The following NPHP4 variants were observed in gnomAD, a reference collection of about 807,000 sequenced individuals.
The protein encoded by NPHP4 is nephrocystin 4.
In NPHP4, 151 loss-of-function variants were observed where a neutral mutation model predicts 155.8. The observed-to-expected ratio is 0.97, with a 90% CI of 0.85 to 1.11. NPHP4 has a LOEUF of 1.11. Ranked by LOEUF, NPHP4 falls within the 50% of genes least tolerant of loss-of-function variation. The pLI, the probability that NPHP4 is intolerant of heterozygous loss-of-function variation, is 0.00. For missense variants in NPHP4, 1,956 were observed against 1,925.7 expected, an observed-to-expected ratio of 1.02 and a Z score of -0.29; for synonymous variants, 845 against 816.8, an observed-to-expected ratio of 1.03 and a Z score of -0.59.
chr1:5,899,831 G>T (rs889979271), intron 16 of NPHP4, among the ~76,000 whole-genome samples: 3 of 152,164 alleles, frequency 2.0e-5, no homozygotes, highest in South Asian at 2.1e-4. Flanking sequence ...CCATAGATAG[G>T]GAAAAAACAT....
At chr1:5,900,618 G>T (rs2101060839) in intron 16 of NPHP4, among the ~76,000 whole-genome samples, 1 of 152,304 alleles carries the variant, frequency 6.6e-6, no homozygotes, top group Middle Eastern at 3.4e-3. Flanking sequence ...ATCCATCATG[G>T]TGGATCCATG....
intron 5 of NPHP4, among the ~76,000 whole-genome samples, chr1:5,964,917 T>TTATATATATATATATATATATATATA (rs4068402): frequency 1.2e-5 from 1 of 82,636 alleles, no homozygotes; most frequent in Non-Finnish European, 2.1e-5. Flanking sequence ...TACATATATA[T>TTATATATATATATATATATATATATA]TATATATATA....
At chr1:5,893,746 T>C (rs1644257136) in intron 16 of NPHP4, among the ~76,000 whole-genome samples, 1 of 152,198 alleles carries the variant, frequency 6.6e-6, no homozygotes, top group Non-Finnish European at 1.5e-5. Flanking sequence ...GAGACTCCCT[T>C]TCCCGGTCTG....
rs761546950 is a variant in NPHP4 at position 5,873,296 on chromosome 1, C to A, written c.3271G>T (p.Val1091Leu). ...ACTGCGCTGGACTTCCAAGGTGACA[C>A]GGCGTCCATGCCCTTCTCGTTGCTC... Reference protein sequence around the residue: ...GLSNEKGMDAVSPWKSSAVPT... With the variant: ...GLSNEKGMDALSPWKSSAVPT... Residue 1091 changes from valine to leucine, a missense_variant, in exon 23 of 30, where the codon GTG becomes TTG. Physicochemically the swap from Val to Leu is conservative, Grantham distance 32. Transcript: ENST00000378156. 6.2e-7 allele frequency: 1 copy of A among 1,613,936 alleles called. No homozygotes were observed. The highest frequency in any genetic ancestry group is 1.1e-5 in the South Asian group (1 of 91,082).
At chr1:5,954,185 G>A (rs1339767103) in intron 6 of NPHP4, among the ~76,000 whole-genome samples, 1 of 152,142 alleles carries the variant, frequency 6.6e-6, no homozygotes, top group African/African-American at 2.4e-5. Context: ...AATATTCATT[G>A]AAACTTTATT....
At chr1:5,949,185 G>A (rs1390339551) in intron 7 of NPHP4, among the ~76,000 whole-genome samples, 3 of 151,976 alleles carry the variant, frequency 2.0e-5, no homozygotes, top group East Asian at 1.9e-4. Flanking sequence ...CACACAATCC[G>A]CCCTGACAAA....
chr1:5,902,390 GACCA>G (rs1360334952), intron 16 of NPHP4, among the ~76,000 whole-genome samples: 3 of 151,830 alleles, frequency 2.0e-5, no homozygotes, highest in Admixed American at 1.3e-4. Context: ...CTGGCTCTCA[GACCA>G]ACCAAGTCCT....
In NPHP4 at chr1:5,904,645, A is replaced by G. The variant is rs200848754; in HGVS notation, c.2115T>C (p.Pro705=). 933 of 1,612,116 alleles carry G rather than the reference A, an allele frequency of 5.8e-4. No individual in the cohort carries two copies. Among genetic ancestry groups the G allele is most frequent in the Non-Finnish European group, 7.6e-4 (896 of 1,178,504 alleles). Residue 705 remains proline (P), a synonymous_variant, in exon 16 of 30, where the codon CCT becomes CCC. Transcript: ENST00000378156. ...SSGALTHILV[P]VSRDGTFDAG... is the part of the protein sequence containing the mutation. ...CATCAAAGGTGCCATCTCTGCTCAC[A>G]GGCACGAGGATGTGGGTCAGGGCGC... is the stretch of plus-strand genomic sequence containing the variant.
intron 9 of NPHP4, among the ~76,000 whole-genome samples, chr1:5,937,592 A>T (rs1646610263): frequency 6.6e-6 from 1 of 152,116 alleles, no homozygotes; most frequent in South Asian, 2.1e-4. Context: ...TGCACAGTGA[A>T]GGGGATGGCG....
chr1:5,902,208 C>T (rs1004941779), intron 16 of NPHP4, among the ~76,000 whole-genome samples: 4 of 152,222 alleles, frequency 2.6e-5, no homozygotes, highest in African/African-American at 9.6e-5. Context: ...TCCTCCTCCC[C>T]ACTCTCTTCT....
chr1:5,897,875 T>C (rs572316188), intron 16 of NPHP4, among the ~76,000 whole-genome samples: 208 of 152,372 alleles, frequency 1.4e-3, no homozygotes, highest in African/African-American at 4.8e-3. Flanking sequence ...AGTGTTACCA[T>C]GCATGTCAAC....
At chr1:5,877,690 G>A (rs1185002524) in intron 19 of NPHP4, among the ~76,000 whole-genome samples, 2 of 152,192 alleles carry the variant, frequency 1.3e-5, no homozygotes, top group African/African-American at 2.4e-5. Flanking sequence ...TCAGGAATGG[G>A]GGTAAGGGGT....
At chr1:5,883,936 T>G (rs1364158168) in intron 18 of NPHP4, among the ~76,000 whole-genome samples, 2 of 152,092 alleles carry the variant, frequency 1.3e-5, no homozygotes, top group African/African-American at 4.8e-5. Flanking sequence ...ATGATGACAA[T>G]GGCTGCAGCG....
At chr1:5,888,958 T>C (rs11122098) in intron 17 of NPHP4, among the ~76,000 whole-genome samples, 17,923 of 152,298 alleles carry the variant, frequency 0.12, 1,360 homozygotes, top group Non-Finnish European at 0.17. Context: ...GCTAAGACTC[T>C]GCCCTGATGA....
chr1:5,962,554 G>A (rs1001653916), intron 5 of NPHP4, among the ~76,000 whole-genome samples: 1 of 152,210 alleles, frequency 6.6e-6, no homozygotes, highest in Admixed American at 6.5e-5. Flanking sequence ...AAACGGAGGA[G>A]GGCAGCACTG....
chr1:5,990,640 T>C (rs753648283), intron 1 of NPHP4, among the ~76,000 whole-genome samples: 22 of 152,146 alleles, frequency 1.4e-4, no homozygotes, highest in Non-Finnish European at 2.9e-4. Flanking sequence ...AGCTAGCTAT[T>C]ATAACTAGCT....
chr1:5,955,277 C>T (rs897691608), intron 6 of NPHP4, among the ~76,000 whole-genome samples: 4 of 152,150 alleles, frequency 2.6e-5, no homozygotes, highest in Non-Finnish European at 5.9e-5. Flanking sequence ...CTATACAATA[C>T]GGGTGGGACT....
Position 5,864,344 on chromosome 1 carries a change from G to A in NPHP4, c.3990C>T (p.Ile1330=), listed in dbSNP as rs1308969943. 6.2e-7 allele frequency: 1 copy of A among 1,606,680 alleles called. No individual in the cohort carries two copies. Among genetic ancestry groups the A allele is most frequent in the East Asian group, 2.2e-5 (1 of 44,714 alleles). The change falls in exon 28 of 30, where the codon ATC becomes ATT. Residue 1330 remains isoleucine, a synonymous_variant. Coordinates refer to ENST00000378156, the MANE Select transcript of NPHP4 (RefSeq NM_015102.5). ...LVCLCCRQPL[I]SKAFEIMLAA... ...GCCTGCCACACATACAGACCTTGGA[G>A]ATGAGCGGCTGGCGGCAGCAGAGGC...
Position 5,863,256 on chromosome 1 carries a change from C to T in NPHP4, c.*9G>A. 1 of 1,614,056 alleles carries T rather than the reference C, an allele frequency of 6.2e-7. No individual in the cohort carries two copies. The highest frequency in any genetic ancestry group is 8.5e-7 in the Non-Finnish European group (1 of 1,179,880). ...TGGGTGCCGCAGGAAGGACGTCACC[C>T]TCAAGCCCTCACTGGTAGATGACCT... On this transcript the variant is annotated 3_prime_UTR_variant, in exon 30 of 30. Transcript: ENST00000378156.
Sources: allele counts gnomAD v4.1 joint callset (sites outside exome capture counted in the v4.1 genomes callset), GRCh38; gene constraint gnomAD v4.1.1; transcripts MANE v1.5; gene names NCBI Gene and HGNC (gene_info 2026-07-23, HGNC 2026-07-21).